Variants in IFNG-AS1 observed in about 807,000 individuals in gnomAD.
The protein encoded by IFNG-AS1 is IFNG antisense RNA 1 (non-protein coding).
At chr12:68,007,881 G>A (rs1348066707) in intron 3 of IFNG-AS1, among the ~76,000 whole-genome samples, 1 of 152,154 alleles carries the variant, frequency 6.6e-6, no homozygotes, top group East Asian at 1.9e-4. Flanking sequence ...ACGATGAGAT[G>A]ATACATCTTG....
intron 3 of IFNG-AS1, among the ~76,000 whole-genome samples, chr12:68,006,417 T>C (rs529099796): frequency 6.6e-6 from 1 of 152,308 alleles, no homozygotes; most frequent in Admixed American, 6.5e-5. Context: ...AAGCTGAGAT[T>C]AATGAGTCAA....
At chr12:68,020,715 C>T (rs973634808) in intron 4 of IFNG-AS1, 8 of 152,086 alleles carry the variant, frequency 5.3e-5, no homozygotes, top group African/African-American at 1.2e-4. Context: ...ACAGAGTTTT[C>T]GTTGAATCAA....
chr12:68,002,851 C>T (rs1879801010), intron 2 of IFNG-AS1, among the ~76,000 whole-genome samples: 1 of 152,178 alleles, frequency 6.6e-6, no homozygotes, highest in Non-Finnish European at 1.5e-5. Context: ...TGCATTTGTG[C>T]AGCAGAAAGT....
intron 1 of IFNG-AS1, among the ~76,000 whole-genome samples, chr12:67,992,755 C>T (rs567655980): frequency 3.9e-4 from 59 of 152,260 alleles, no homozygotes; most frequent in African/African-American, 1.3e-3. Context: ...AAATTAGACA[C>T]TGTTTTTCTT....
chr12:67,991,327 A>C (rs994823307), intron 1 of IFNG-AS1, among the ~76,000 whole-genome samples: 4 of 152,214 alleles, frequency 2.6e-5, no homozygotes, highest in African/African-American at 7.2e-5. Context: ...AAAGGAAGTG[A>C]CTGCATAGGG....
Position 67,991,462 on chromosome 12 carries a change from T to A in IFNG-AS1, n.51+1883T>A, listed in dbSNP as rs906737353. Among the ~76,000 whole-genome samples the A allele has an allele frequency of 5.3e-5, 8 of 152,318 alleles. No homozygotes were observed. The South Asian group carries it at 1.7e-3, about 32-fold the overall frequency. On this transcript the variant is annotated intron_variant and non_coding_transcript_variant, in intron 1 of 5. Transcript: ENST00000536914. ...AGGGCACACTCAGGAGACCAGGGGA[T>A]GCTCGACTGTGGCTAGATCCAGACA...
intron 3 of IFNG-AS1, among the ~76,000 whole-genome samples, chr12:68,010,077 CAA>C (rs1879992463): frequency 6.6e-6 from 1 of 152,158 alleles, no homozygotes; most frequent in African/African-American, 2.4e-5. Flanking sequence ...CCACTACACC[CAA>C]GGGACTCCAT....
chr12:67,990,413 A>G (rs572409623), intron 1 of IFNG-AS1, among the ~76,000 whole-genome samples: 3 of 152,220 alleles, frequency 2.0e-5, no homozygotes, highest in African/African-American at 7.2e-5. Flanking sequence ...GAACTGGTCC[A>G]TATAAATCCT....
chr12:68,016,458 G>C (rs1048052873), intron 3 of IFNG-AS1, among the ~76,000 whole-genome samples: 6 of 152,108 alleles, frequency 3.9e-5, no homozygotes, highest in Non-Finnish European at 7.4e-5. Flanking sequence ...TCTGAAGTTG[G>C]GCCTGGTCCT....
chr12:68,015,128 A>C (rs1257092497), intron 3 of IFNG-AS1, among the ~76,000 whole-genome samples: 1 of 152,088 alleles, frequency 6.6e-6, no homozygotes, highest in Non-Finnish European at 1.5e-5. Context: ...TCAAAACACC[A>C]ATCAAAAACA....
rs575991588 is a variant in IFNG-AS1, at chr12:68,002,013, T to C, written n.185-4077T>C. Among the ~76,000 whole-genome samples, 68 of 152,368 alleles carry C rather than the reference T, an allele frequency of 4.5e-4. 1 individual carries two copies. In the South Asian group the frequency reaches 0.013, roughly 30 times the overall value. ...ATTTATTTACATGTGTTAATTATATTATTGATTTAGGTTAAACATTGAAAT... is the reference window on the plus strand; with the variant it reads ...ATTTATTTACATGTGTTAATTATATCATTGATTTAGGTTAAACATTGAAAT... On this transcript the variant is annotated intron_variant and non_coding_transcript_variant, in intron 2 of 5. Coordinates refer to ENST00000536914, the Ensembl canonical transcript of IFNG-AS1.
intron 2 of IFNG-AS1, among the ~76,000 whole-genome samples, chr12:67,996,408 T>C (rs1879643235): frequency 6.6e-6 from 1 of 152,250 alleles, no homozygotes. Flanking sequence ...ACTTGTTGTA[T>C]AGTGAGAACA....
At chr12:67,997,645 A>T (rs1387046640) in intron 2 of IFNG-AS1, among the ~76,000 whole-genome samples, 1 of 151,794 alleles carries the variant, frequency 6.6e-6, no homozygotes, top group African/African-American at 2.4e-5. Context: ...AAAAAGATTG[A>T]CGAGTGGCCA....
intron 3 of IFNG-AS1, among the ~76,000 whole-genome samples, chr12:68,015,972 A>T (rs1280174424): frequency 2.6e-5 from 4 of 152,098 alleles, no homozygotes; most frequent in African/African-American, 9.7e-5. Context: ...CTTTCCCAGA[A>T]ATTGACACAA....
chr12:68,007,526 A>G (rs1879932800), intron 3 of IFNG-AS1, among the ~76,000 whole-genome samples: 2 of 152,216 alleles, frequency 1.3e-5, no homozygotes, highest in Non-Finnish European at 2.9e-5. Flanking sequence ...TACAATCTCA[A>G]TTTTAAACTG....
At position 68,015,248 on chromosome 12, in the gene IFNG-AS1, A is replaced by G. The variant is rs955101842; in HGVS notation, n.242-4614A>G. Among the ~76,000 whole-genome samples, 3 of 152,266 alleles carry G rather than the reference A, an allele frequency of 2.0e-5. No homozygotes were observed. In the East Asian group the frequency reaches 5.8e-4, roughly 29 times the overall value. ...ACTCGGGGCTGGATTATGTGTTCAC[A>G]TTCTAAAAGTAAGGCCACAGAAGGA... On this transcript the variant is annotated intron_variant and non_coding_transcript_variant, in intron 3 of 5. Transcript: ENST00000536914.
chr12:68,020,052 G>A (rs1037767117), intron 4 of IFNG-AS1: 4 of 152,164 alleles, frequency 2.6e-5, no homozygotes, highest in East Asian at 1.9e-4. Context: ...CAAAGCAACC[G>A]AGGCCTAAGA....
At chr12:67,993,384 A>C (rs535002205) in intron 1 of IFNG-AS1, among the ~76,000 whole-genome samples, 1 of 152,330 alleles carries the variant, frequency 6.6e-6, no homozygotes, top group East Asian at 1.9e-4. Context: ...TATAAAATAC[A>C]CATCTTAAAC....
intron 2 of IFNG-AS1, among the ~76,000 whole-genome samples, chr12:68,004,980 T>C (rs1879873704): frequency 6.6e-6 from 1 of 152,230 alleles, no homozygotes; most frequent in African/African-American, 2.4e-5. Flanking sequence ...CTTTTTTATA[T>C]CCTCTACATA....
Sources: allele counts gnomAD v4.1 joint callset (sites outside exome capture counted in the v4.1 genomes callset), GRCh38; gene constraint gnomAD v4.1.1; transcripts MANE v1.5; gene names NCBI Gene and HGNC (gene_info 2026-07-23, HGNC 2026-07-21).